Variants in UPRT observed in about 807,000 individuals in gnomAD.
UPRT encodes RP11-311P8.3.
A neutral mutation model predicts 22.6 loss-of-function variants in UPRT; 5 were observed. The observed-to-expected ratio is 0.22, with a 90% CI of 0.12 to 0.47. The LOEUF (loss-of-function observed/expected upper bound fraction) is 0.47. UPRT is among the 20% of genes least tolerant of loss of function. The pLI is 0.99. For missense variants in UPRT, 181 were observed against 239.9 expected, an observed-to-expected ratio of 0.75 and a Z score of 1.62; for synonymous variants, 77 against 87.7, an observed-to-expected ratio of 0.88 and a Z score of 0.68.
chrX:75,251,313 C>G (rs373400578), intron 4 of UPRT, among the ~76,000 whole-genome samples: 1 of 111,351 alleles, frequency 9.0e-6, no homozygotes, highest in South Asian at 3.8e-4. Context: ...CTAGAAAACC[C>G]GATCGTCTCA....
chrX:75,185,812 G>A (rs1365377813), intron 4 of UPRT, among the ~76,000 whole-genome samples: 11 of 111,346 alleles, frequency 9.9e-5, no homozygotes, highest in African/African-American at 2.6e-4. Context: ...TTTGCGTAGC[G>A]GTGTTTGTAA....
Position 75,182,751 on chromosome X carries a change from C to G in UPRT, c.-447+14872C>G, listed in dbSNP as rs778738813. Reference sequence around the variant, plus strand: ...GGATCATCTCTGTTTTATTATTAGTCTGGCTAGCAGTCTATCTACTGCATT... The same window carrying G: ...GGATCATCTCTGTTTTATTATTAGTGTGGCTAGCAGTCTATCTACTGCATT... On this transcript the variant is annotated intron_variant, in intron 4 of 13. Coordinates refer to the UPRT transcript ENST00000652605. 1.3e-4 allele frequency among the ~76,000 whole-genome samples: 14 copies of G among 111,374 alleles called. 1 individual carries two copies. In the South Asian group the frequency reaches 3.0e-3, roughly 24 times the overall value.
At chrX:75,286,662 T>C (rs1045478573) in intron 1 of UPRT, among the ~76,000 whole-genome samples, 1 of 112,090 alleles carries the variant, frequency 8.9e-6, no homozygotes, top group African/African-American at 3.2e-5. Context: ...CCAAACTCTT[T>C]CATTGTTTTG....
In UPRT at chrX:75,274,464, C is replaced by T. The variant is rs2082622569; in HGVS notation, c.210C>T (p.Gly70=). 2.5e-6 allele frequency: 3 copies of T among 1,211,244 alleles called. No individual in the cohort carries two copies. Among genetic ancestry groups the T allele is most frequent in the South Asian group, 3.5e-5 (2 of 56,898 alleles). ...LPAELDSGAC[G]GSSLNSEGNS... Reference sequence around the variant, plus strand: ...CCGAGCTGGACTCTGGGGCCTGCGGCGGCTCCAGCCTCAACTCAGAGGGCA... The same window carrying T: ...CCGAGCTGGACTCTGGGGCCTGCGGTGGCTCCAGCCTCAACTCAGAGGGCA... Residue 70 remains glycine, a synonymous_variant, in exon 1 of 7, where the codon GGC becomes GGT. Coordinates refer to ENST00000373383, the MANE Select transcript of UPRT (RefSeq NM_145052.4).
At chrX:75,237,449 G>A (rs1400161029) in intron 4 of UPRT, among the ~76,000 whole-genome samples, 1 of 111,154 alleles carries the variant, frequency 9.0e-6, no homozygotes, top group African/African-American at 3.3e-5. Flanking sequence ...CCATTACTGG[G>A]TATATACCCA....
chrX:75,231,753 C>T (rs1226947007), intron 4 of UPRT, among the ~76,000 whole-genome samples: 1 of 112,124 alleles, frequency 8.9e-6, no homozygotes, highest in African/African-American at 3.2e-5. Flanking sequence ...GCAGATTTCT[C>T]AGCAGAAAAC....
At chrX:75,209,843 C>T (rs758689422) in intron 4 of UPRT, among the ~76,000 whole-genome samples, 78 of 112,430 alleles carry the variant, frequency 6.9e-4, no homozygotes, top group Non-Finnish European at 1.4e-3. Context: ...TGACAGCTGC[C>T]AGCATCTGGT....
chrX:75,244,768 C>T (rs1166637724), intron 4 of UPRT, among the ~76,000 whole-genome samples: 1 of 110,504 alleles, frequency 9.0e-6, no homozygotes. Flanking sequence ...ATACAAAAAT[C>T]AACTAAAAAA....
intron 4 of UPRT, among the ~76,000 whole-genome samples, chrX:75,228,403 CT>C (rs1407508752): frequency 9.0e-6 from 1 of 111,518 alleles, no homozygotes; most frequent in Non-Finnish European, 1.9e-5. Context: ...TGCCTGAGTT[CT>C]TCATGGAGGA....
At chrX:75,192,045 C>T (rs191701467) in intron 4 of UPRT, among the ~76,000 whole-genome samples, 78 of 111,599 alleles carry the variant, frequency 7.0e-4, no homozygotes, top group African/African-American at 1.8e-3. Context: ...CTGTTTTCTG[C>T]GTCACTCATG....
chrX:75,195,976 G>A (rs1295667003), intron 4 of UPRT, among the ~76,000 whole-genome samples: 1 of 111,656 alleles, frequency 9.0e-6, no homozygotes. Context: ...TCTTTTTCAA[G>A]ATTGTTTTGG....
chrX:75,301,080 A>T, intron 6 of UPRT, 115 bp downstream of exon 6: 1 of 472,773 alleles, frequency 2.1e-6, no homozygotes, highest in African/African-American at 2.5e-5. Flanking sequence ...ATTAAATCTG[A>T]ATCTAATTTG....
chrX:75,249,027 C>G (rs2082517947), intron 4 of UPRT, among the ~76,000 whole-genome samples: 1 of 111,388 alleles, frequency 9.0e-6, no homozygotes, highest in South Asian at 3.8e-4. Context: ...TTTGTCACCA[C>G]CAGGCCTGCC....
chrX:75,232,536 G>A (rs1291463536), intron 4 of UPRT, among the ~76,000 whole-genome samples: 1 of 112,506 alleles, frequency 8.9e-6, no homozygotes, highest in Non-Finnish European at 1.9e-5. Flanking sequence ...AAATGTCCCT[G>A]TCTGACAGCT....
intron 4 of UPRT, among the ~76,000 whole-genome samples, chrX:75,257,051 GA>G (rs1365834441): frequency 9.0e-6 from 1 of 111,459 alleles, no homozygotes; most frequent in Non-Finnish European, 1.9e-5. Context: ...CCCAAGCCAG[GA>G]AAAAACATAA....
intron 4 of UPRT, among the ~76,000 whole-genome samples, chrX:75,227,839 G>C (rs1030393926): frequency 1.8e-5 from 2 of 112,674 alleles, no homozygotes; most frequent in African/African-American, 6.4e-5. Flanking sequence ...CCAGAACTCA[G>C]TCAATTAATC....
intron 4 of UPRT, among the ~76,000 whole-genome samples, chrX:75,217,670 T>C (rs1195244645): frequency 1.8e-5 from 2 of 112,092 alleles, no homozygotes; most frequent in Non-Finnish European, 3.8e-5. Context: ...AACAGCATGG[T>C]ACTGGTACCA....
intron 1 of UPRT, among the ~76,000 whole-genome samples, chrX:75,160,510 T>C (rs1351326628): frequency 9.0e-6 from 1 of 111,646 alleles, no homozygotes; most frequent in Non-Finnish European, 1.9e-5. Context: ...AATAGCAACT[T>C]TTTCTGTCGT....
At chrX:75,163,522 A>T (rs1426504910) in intron 3 of UPRT, among the ~76,000 whole-genome samples, 2 of 111,673 alleles carry the variant, frequency 1.8e-5, no homozygotes, top group African/African-American at 6.5e-5. Context: ...GGGTATATAT[A>T]CTAGAGGGTG....
Sources: gnomAD v4.1 joint callset for allele counts (sites outside exome capture counted in the v4.1 genomes callset) on GRCh38, gnomAD v4.1.1 for gene constraint, MANE v1.5 for transcripts, NCBI Gene and HGNC (gene_info 2026-07-23, HGNC 2026-07-21) for gene names.